PPARGC1A: variants seen among roughly 807,000 people sequenced by gnomAD.
PPARGC1A encodes the protein peroxisome proliferator-activated receptor gamma coactivator 1-alpha.
Under a neutral mutation model 88.7 loss-of-function variants are expected in PPARGC1A, and 25 were observed. That is an observed-to-expected ratio of 0.28 (90% confidence interval 0.21 to 0.39). PPARGC1A has a LOEUF of 0.39. Ranked by LOEUF, PPARGC1A falls within the 10% of genes least tolerant of loss-of-function variation. PPARGC1A has a pLI of 1.00. For missense variants in PPARGC1A, 880 were observed against 968.7 expected, an observed-to-expected ratio of 0.91 and a Z score of 1.22; for synonymous variants, 363 against 355.6, an observed-to-expected ratio of 1.02 and a Z score of -0.24.
At chr4:24,382,363 G>T in the PPARGC1A span, among the ~76,000 whole-genome samples, 1 of 152,148 alleles carries the variant, frequency 6.6e-6, no homozygotes, top group Non-Finnish European at 1.5e-5. Context: ...AAGAATGAAG[G>T]AATAAGAATT....
chr4:23,911,743 T>G, the PPARGC1A span, among the ~76,000 whole-genome samples: 6 of 152,312 alleles, frequency 3.9e-5, no homozygotes, highest in Non-Finnish European at 8.8e-5. Flanking sequence ...TATACTAACA[T>G]GCATATTGGT....
intron 2 of PPARGC1A, among the ~76,000 whole-genome samples, chr4:23,864,269 A>G (rs959944365): frequency 1.3e-5 from 2 of 152,108 alleles, no homozygotes; most frequent in African/African-American, 4.8e-5. Flanking sequence ...ACATTTTACT[A>G]TCTACATTTT....
At chr4:24,015,295 C>G in the PPARGC1A span, among the ~76,000 whole-genome samples, 94,717 of 151,916 alleles carry the variant, frequency 0.62, 30,294 homozygotes, top group African/African-American at 0.75. Context: ...GATAGAGGTA[C>G]AGGTTCCTTT....
chr4:23,890,228 AAAAAG>A (rs894170841), upstream of PPARGC1A: 3 of 471,978 alleles, frequency 6.4e-6, no homozygotes, highest in Non-Finnish European at 9.9e-6. Context: ...AAAAAAAAAA[AAAAAG>A]AAAGAAAAAG....
chr4:24,181,415 T>A, the PPARGC1A span, among the ~76,000 whole-genome samples: 5 of 152,218 alleles, frequency 3.3e-5, no homozygotes, highest in Admixed American at 2.6e-4. Flanking sequence ...AGAGTTGTTG[T>A]AGGAATTAAA....
At chr4:24,098,999 A>G in the PPARGC1A span, among the ~76,000 whole-genome samples, 1 of 152,176 alleles carries the variant, frequency 6.6e-6, no homozygotes, top group Non-Finnish European at 1.5e-5. Context: ...CCTTTCCAGT[A>G]TGTTTATATC....
the PPARGC1A span, among the ~76,000 whole-genome samples, chr4:24,247,492 T>C: frequency 1.3e-5 from 2 of 152,120 alleles, no homozygotes; most frequent in Non-Finnish European, 2.9e-5. Context: ...ATTATGATGA[T>C]AGAGTAAAGA....
chr4:24,156,283 A>AC, the PPARGC1A span, among the ~76,000 whole-genome samples: 5 of 151,758 alleles, frequency 3.3e-5, no homozygotes, highest in South Asian at 4.2e-4. Context: ...TAACATATCC[A>AC]CCCCCGGGTG....
Position 23,813,815 on chromosome 4 carries a change from G to A in PPARGC1A, c.1668C>T (p.Ser556=). 6.2e-7 allele frequency: 1 copy of A among 1,613,852 alleles called. No homozygotes were observed. The highest frequency in any genetic ancestry group is 1.3e-5 in the African/African-American group (1 of 74,992). ...TCCTTTGGGGTCTTTGAGAAAATAA[G>A]GATTTGGGTGGTGACACAGAATCTC... ...PCRDSVSPPK[S]LFSQRPQRMR... Residue 556 remains serine, a synonymous_variant, in exon 8 of 13, where the codon TCC becomes TCT. Transcript: ENST00000264867.
At chr4:23,830,182 T>G (rs1450331288) in intron 3 of PPARGC1A, among the ~76,000 whole-genome samples, 1 of 152,170 alleles carries the variant, frequency 6.6e-6, no homozygotes, top group Non-Finnish European at 1.5e-5. Context: ...TAACCTGGTG[T>G]ATGAAATTAC....
intron 2 of PPARGC1A, among the ~76,000 whole-genome samples, chr4:23,851,871 G>C (rs1729359406): frequency 6.6e-6 from 1 of 152,152 alleles, no homozygotes; most frequent in Non-Finnish European, 1.5e-5. Flanking sequence ...TACATCCAGT[G>C]CTTCTTTAAC....
the PPARGC1A span, among the ~76,000 whole-genome samples, chr4:24,230,950 TA>T: frequency 2.2e-3 from 304 of 138,832 alleles, 7 homozygotes; most frequent in African/African-American, 7.7e-3. Flanking sequence ...CAGAATTTAT[TA>T]AAAAAAATAA....
chr4:24,361,230 G>T, the PPARGC1A span, among the ~76,000 whole-genome samples: 258 of 152,260 alleles, frequency 1.7e-3, 1 homozygote, highest in African/African-American at 6.0e-3. Flanking sequence ...GATCTCAAAA[G>T]CTTCACAGGG....
chr4:23,979,041 A>G, the PPARGC1A span, among the ~76,000 whole-genome samples: 2 of 152,164 alleles, frequency 1.3e-5, no homozygotes, highest in African/African-American at 4.8e-5. Context: ...AGAAGGAAAT[A>G]TGAGCTGCAC....
the PPARGC1A span, among the ~76,000 whole-genome samples, chr4:24,262,408 C>G: frequency 2.0e-5 from 3 of 152,140 alleles, no homozygotes; most frequent in Non-Finnish European, 4.4e-5. Flanking sequence ...AGGTGTGGGG[C>G]TGGGGGGTGA....
the PPARGC1A span, among the ~76,000 whole-genome samples, chr4:24,041,794 T>C: frequency 6.6e-6 from 1 of 152,140 alleles, no homozygotes. Flanking sequence ...AAAAGTGATT[T>C]TTAAGAAAAC....
chr4:23,849,764 C>T (rs1728948756), intron 2 of PPARGC1A, among the ~76,000 whole-genome samples: 1 of 151,350 alleles, frequency 6.6e-6, no homozygotes, highest in Non-Finnish European at 1.5e-5. Context: ...TTTCATTTGG[C>T]TTTACTCATT....
intron 2 of PPARGC1A, among the ~76,000 whole-genome samples, chr4:23,865,943 A>G (rs1258177597): frequency 6.7e-6 from 1 of 149,368 alleles, no homozygotes; most frequent in Non-Finnish European, 1.5e-5. Flanking sequence ...GACAGCCCAC[A>G]TTTATTCCTA....
chr4:24,137,287 G>A, the PPARGC1A span, among the ~76,000 whole-genome samples: 15 of 151,980 alleles, frequency 9.9e-5, no homozygotes, highest in Non-Finnish European at 1.5e-4. Flanking sequence ...AAGGACCTCA[G>A]AGGAAAACAA....
Sources: gnomAD v4.1 joint callset for allele counts (sites outside exome capture counted in the v4.1 genomes callset) on GRCh38, gnomAD v4.1.1 for gene constraint, MANE v1.5 for transcripts, NCBI Gene and HGNC (gene_info 2026-07-23, HGNC 2026-07-21) for gene names.